The following MED12L variants were observed in gnomAD, a reference collection of about 807,000 sequenced individuals.
MED12L encodes the protein mediator of RNA polymerase II transcription subunit 12-like protein.
A neutral mutation model predicts 281.3 loss-of-function variants in MED12L; 60 were observed. That is an observed-to-expected ratio of 0.21 (90% CI 0.17 to 0.26). MED12L has a LOEUF of 0.26. Ranked by LOEUF, MED12L falls within the 10% of genes least tolerant of loss-of-function variation. MED12L has a pLI of 1.00. For synonymous variants in MED12L, 974 were observed against 987.2 expected (o/e 0.99, Z 0.25); for missense variants, 2,146 against 2,680.9 (o/e 0.80, Z 4.41).
At chr3:151,341,730 C>A (rs1751854072) in intron 16 of MED12L, among the ~76,000 whole-genome samples, 1 of 151,428 alleles carries the variant, frequency 6.6e-6, no homozygotes, top group African/African-American at 2.4e-5. Flanking sequence ...CTCCCCCATC[C>A]CCCCACCCCA....
At chr3:151,138,940 A>G (rs1256184922) in intron 5 of MED12L, among the ~76,000 whole-genome samples, 6 of 152,106 alleles carry the variant, frequency 3.9e-5, no homozygotes, top group African/African-American at 9.7e-5. Context: ...CAGAGTATCT[A>G]CTTATTTAAA....
At chr3:151,092,436 G>C (rs2148618537) in intron 2 of MED12L, among the ~76,000 whole-genome samples, 1 of 152,370 alleles carries the variant, frequency 6.6e-6, no homozygotes, top group Middle Eastern at 3.4e-3. Context: ...TAGTGCCTGG[G>C]AGTAGACTAG....
At chr3:151,206,896 G>A (rs372426568) in intron 16 of MED12L, among the ~76,000 whole-genome samples, 13 of 151,734 alleles carry the variant, frequency 8.6e-5, no homozygotes, top group African/African-American at 1.9e-4. Context: ...CACCTGCCTC[G>A]GCCTCCCACA....
intron 43 of MED12L, among the ~76,000 whole-genome samples, chr3:151,418,242 C>T (rs1360045729): frequency 2.0e-5 from 3 of 151,264 alleles, no homozygotes; most frequent in African/African-American, 7.3e-5. Flanking sequence ...TTTTTTTTTC[C>T]AAAACAAAGA....
chr3:151,172,304 T>C (rs1721535707), intron 11 of MED12L, among the ~76,000 whole-genome samples: 1 of 152,238 alleles, frequency 6.6e-6, no homozygotes, highest in African/African-American at 2.4e-5. Context: ...AAATATTTGA[T>C]TGATAAACCA....
At chr3:151,352,436 A>G (rs1268999863) in intron 17 of MED12L, among the ~76,000 whole-genome samples, 1 of 152,202 alleles carries the variant, frequency 6.6e-6, no homozygotes, top group African/African-American at 2.4e-5. Context: ...TTTGGGATGT[A>G]GTGAGCTGCT....
At chr3:151,302,116 C>T (rs755273923) in intron 16 of MED12L, among the ~76,000 whole-genome samples, 2 of 152,132 alleles carry the variant, frequency 1.3e-5, no homozygotes, top group Non-Finnish European at 2.9e-5. Flanking sequence ...AAACGTTTTG[C>T]ATGAGAAAGA....
intron 32 of MED12L, among the ~76,000 whole-genome samples, chr3:151,382,304 T>C (rs2108137246): frequency 6.6e-6 from 1 of 152,264 alleles, no homozygotes; most frequent in South Asian, 2.1e-4. Context: ...TGAGGCAAAA[T>C]GTAATTCTCT....
intron 11 of MED12L, among the ~76,000 whole-genome samples, chr3:151,180,072 A>C (rs1722534314): frequency 6.6e-6 from 1 of 152,218 alleles, no homozygotes; most frequent in African/African-American, 2.4e-5. Context: ...GTTAAATATA[A>C]GATTTTGAAA....
intron 5 of MED12L, among the ~76,000 whole-genome samples, chr3:151,133,318 T>G (rs937785573): frequency 1.3e-5 from 2 of 152,214 alleles, no homozygotes; most frequent in Admixed American, 1.3e-4. Context: ...ACAGAGATCC[T>G]TACTGTCGTT....
In MED12L at chr3:151,356,149, T is replaced by A. The variant is rs1994730; in HGVS notation, c.2661+110T>A. ...GCACAGTGGCTTGTGCTTGTAATCC[T>A]GGCACTTTGGGAGGCCGAGGTAGGA... On this transcript the variant is annotated intron_variant, in intron 19 of 44. Coordinates refer to ENST00000687756, the MANE Select transcript of MED12L (RefSeq NM_001393769.1). 7.8e-6 allele frequency: 9 copies of A among 1,153,186 alleles called. No homozygotes were observed. The South Asian group carries it at 1.4e-4, about 18-fold the overall frequency. 71.4% of individuals were successfully genotyped at this position (1,153,186 alleles called of 1,614,324 possible). A position where few individuals can be genotyped will look rare whatever the true frequency, so the allele number is the denominator to read the frequency against.
chr3:151,279,578 C>T (rs905380635), intron 16 of MED12L, among the ~76,000 whole-genome samples: 2 of 152,180 alleles, frequency 1.3e-5, no homozygotes, highest in Non-Finnish European at 2.9e-5. Context: ...TCTTCAGACC[C>T]CCAGCGGGCC....
intron 12 of MED12L, among the ~76,000 whole-genome samples, chr3:151,187,809 A>G (rs1723471914): frequency 6.6e-6 from 1 of 152,226 alleles, no homozygotes; most frequent in Non-Finnish European, 1.5e-5. Flanking sequence ...CAAAAACACA[A>G]ATAAACCCTT....
At chr3:151,286,135 G>A (rs192498926) in intron 16 of MED12L, among the ~76,000 whole-genome samples, 47 of 152,188 alleles carry the variant, frequency 3.1e-4, no homozygotes, top group African/African-American at 8.4e-4. Context: ...CTGTGACCCC[G>A]CTGTTGTAGT....
intron 27 of MED12L, among the ~76,000 whole-genome samples, chr3:151,375,709 G>GA (rs1756763478): frequency 6.6e-6 from 1 of 151,968 alleles, no homozygotes; most frequent in Non-Finnish European, 1.5e-5. Flanking sequence ...TAGCAAGTTA[G>GA]AAAAAACTGA....
intron 16 of MED12L, among the ~76,000 whole-genome samples, chr3:151,311,483 C>T (rs1418806300): frequency 6.6e-6 from 1 of 151,956 alleles, no homozygotes; most frequent in Non-Finnish European, 1.5e-5. Flanking sequence ...TAGTAATTAC[C>T]TTTTAAATGG....
In MED12L at chr3:151,388,188, AAGG is replaced by A. The variant is rs1713713949; in HGVS notation, c.5451+19_5451+21del. The A allele has an allele frequency of 1.3e-6, 2 of 1,578,906 alleles. No individual in the cohort carries two copies. On this transcript the variant is annotated intron_variant, in intron 37 of 44. Coordinates refer to ENST00000687756, the MANE Select transcript of MED12L (RefSeq NM_001393769.1). ...AAGAGTTGATGTAAGTGGGGAAAGG[AAGG>A]AGAACCTTGGCTCATTAGCATTTAG...
At chr3:151,411,556 G>A (rs559767025) in intron 41 of MED12L, 49 bp downstream of exon 41, 139 of 1,536,818 alleles carry the variant, frequency 9.0e-5, no homozygotes, top group Non-Finnish European at 1.2e-4. Flanking sequence ...TCACATTCTC[G>A]GGTTTCTTAT....
intron 16 of MED12L, among the ~76,000 whole-genome samples, chr3:151,301,480 A>G (rs562572241): frequency 6.6e-6 from 1 of 152,376 alleles, no homozygotes; most frequent in African/African-American, 2.4e-5. Flanking sequence ...TAAGCAGGAC[A>G]TAGAGAGAGA....
Sources: allele counts gnomAD v4.1 joint callset (sites outside exome capture counted in the v4.1 genomes callset), GRCh38; gene constraint gnomAD v4.1.1; transcripts MANE v1.5; gene names NCBI Gene and HGNC (gene_info 2026-07-23, HGNC 2026-07-21).